Variants in TNFSF4 observed in about 807,000 individuals in gnomAD.
TNFSF4 encodes the protein tumor necrosis factor ligand superfamily member 4.
TNFSF4 carries 4 observed loss-of-function variants against 7.3 expected under a neutral mutation model. The observed-to-expected ratio is 0.55, with a 90% confidence interval of 0.27 to 1.25. The LOEUF (loss-of-function observed/expected upper bound fraction) is 1.25, where lower values mean the gene tolerates loss of function less well. Among genes scored for constraint, TNFSF4 ranks in the 50% most tolerant of loss-of-function variants. TNFSF4 has a pLI of 0.12. For missense variants in TNFSF4, 181 were observed against 208.8 expected (o/e 0.87, Z 0.82); for synonymous variants, 76 against 83.7 (o/e 0.91, Z 0.50).
the TNFSF4 span, among the ~76,000 whole-genome samples, chr1:173,233,005 A>C: frequency 3.3e-5 from 5 of 152,228 alleles, no homozygotes; most frequent in African/African-American, 4.8e-5. Context: ...TTGAGAGAAG[A>C]AGGCTTCAGA....
the TNFSF4 span, among the ~76,000 whole-genome samples, chr1:173,381,413 A>G: frequency 1.3e-5 from 2 of 152,226 alleles, no homozygotes; most frequent in African/African-American, 4.8e-5. Flanking sequence ...GGAGTTGGGC[A>G]ACATGGCTTC....
chr1:173,189,674 T>C (rs892417411), intron 1 of TNFSF4, among the ~76,000 whole-genome samples: 1 of 152,130 alleles, frequency 6.6e-6, no homozygotes, highest in Non-Finnish European at 1.5e-5. Flanking sequence ...TGCAGAATTA[T>C]ACATAAAATA....
chr1:173,263,178 G>A, the TNFSF4 span, among the ~76,000 whole-genome samples: 5 of 152,202 alleles, frequency 3.3e-5, no homozygotes, highest in African/African-American at 1.2e-4. Context: ...TGAATAGGAA[G>A]AATCAATATG....
At chr1:173,197,478 A>T (rs1262177592) in intron 1 of TNFSF4, among the ~76,000 whole-genome samples, 1 of 152,256 alleles carries the variant, frequency 6.6e-6, no homozygotes, top group Non-Finnish European at 1.5e-5. Flanking sequence ...AATGTGGTAC[A>T]TATACACCAT....
At chr1:173,277,258 T>A in the TNFSF4 span, among the ~76,000 whole-genome samples, 1 of 152,152 alleles carries the variant, frequency 6.6e-6, no homozygotes, top group African/African-American at 2.4e-5. Flanking sequence ...AGGTAACTAT[T>A]CAGGATCTGT....
the TNFSF4 span, among the ~76,000 whole-genome samples, chr1:173,341,428 G>GTA: frequency 6.6e-6 from 1 of 152,156 alleles, no homozygotes; most frequent in East Asian, 1.9e-4. Context: ...TTTAACAACT[G>GTA]TATATAGCAC....
chr1:173,332,019 A>G, the TNFSF4 span, among the ~76,000 whole-genome samples: 1 of 152,180 alleles, frequency 6.6e-6, no homozygotes, highest in East Asian at 1.9e-4. Flanking sequence ...TACAATGTAC[A>G]GGACAGCTTC....
chr1:173,195,161 A>C (rs572323052), intron 1 of TNFSF4, among the ~76,000 whole-genome samples: 1 of 152,024 alleles, frequency 6.6e-6, no homozygotes, highest in South Asian at 2.1e-4. Flanking sequence ...AAATAACACC[A>C]AAAAAAAGCA....
the TNFSF4 span, among the ~76,000 whole-genome samples, chr1:173,375,039 C>T: frequency 6.6e-5 from 10 of 152,294 alleles, no homozygotes; most frequent in Non-Finnish European, 1.2e-4. Flanking sequence ...AGGCCTAGAC[C>T]TCCTCACTTT....
the TNFSF4 span, among the ~76,000 whole-genome samples, chr1:173,265,713 A>G: frequency 3.3e-5 from 5 of 152,146 alleles, no homozygotes; most frequent in African/African-American, 4.8e-5. Context: ...ATCCAACCAC[A>G]TGACTCCCTT....
the TNFSF4 span, among the ~76,000 whole-genome samples, chr1:173,413,722 C>T: frequency 6.6e-6 from 1 of 152,172 alleles, no homozygotes; most frequent in Non-Finnish European, 1.5e-5. Flanking sequence ...CTGGCAGGCC[C>T]CACATCTGAT....
At chr1:173,408,200 C>G in the TNFSF4 span, among the ~76,000 whole-genome samples, 3 of 152,154 alleles carry the variant, frequency 2.0e-5, no homozygotes, top group African/African-American at 7.2e-5. Context: ...GAGCCAGGCC[C>G]CTCAGGAGAA....
downstream of TNFSF4, among the ~76,000 whole-genome samples, chr1:173,182,574 T>C (rs537465913): frequency 6.6e-6 from 1 of 152,208 alleles, no homozygotes; most frequent in Non-Finnish European, 1.5e-5. Context: ...CCTCAAAGAA[T>C]TGTTGAGACA....
chr1:173,404,182 A>G, the TNFSF4 span, among the ~76,000 whole-genome samples: 1 of 152,192 alleles, frequency 6.6e-6, no homozygotes, highest in South Asian at 2.1e-4. Context: ...TTTGCCTTGC[A>G]TGCAGTGACA....
At chr1:173,444,287 C>T in the TNFSF4 span, among the ~76,000 whole-genome samples, 656 of 152,272 alleles carry the variant, frequency 4.3e-3, 6 homozygotes, top group African/African-American at 0.015. Flanking sequence ...CACAAACACA[C>T]ACACACGTAT....
chr1:173,450,214 A>T, the TNFSF4 span, among the ~76,000 whole-genome samples: 1 of 152,164 alleles, frequency 6.6e-6, no homozygotes, highest in Non-Finnish European at 1.5e-5. Flanking sequence ...AAATTCATTC[A>T]GGAAGAAAAA....
the TNFSF4 span, among the ~76,000 whole-genome samples, chr1:173,422,995 G>A: frequency 3.4e-4 from 52 of 150,882 alleles, no homozygotes; most frequent in Middle Eastern, 3.4e-3. Flanking sequence ...TTTAGACAGA[G>A]TCTCGCTCTG....
At position 173,186,297 on chromosome 1, in the gene TNFSF4, A is replaced by ATTTCTAAATATCCTTAT; in HGVS notation, c.*218_*219insATAAGGATATTTAGAAA. The ATTTCTAAATATCCTTAT allele has an allele frequency of 2.1e-6, 1 of 473,612 alleles. No homozygotes were observed. The highest frequency in any genetic ancestry group is 3.7e-6 in the Non-Finnish European group (1 of 269,416). 29.3% of individuals were successfully genotyped at this position (473,612 alleles called of 1,614,324 possible). On this transcript the variant is annotated 3_prime_UTR_variant, in exon 3 of 3. Coordinates refer to ENST00000281834, the MANE Select transcript of TNFSF4 (RefSeq NM_003326.5). ...CAATCTTGGGGTGTGACGGCTAGGC[A>ATTTCTAAATATCCTTAT]ATTTAGAAAATATAAGGATAAATAA...
the TNFSF4 span, among the ~76,000 whole-genome samples, chr1:173,283,221 C>G: frequency 9.2e-5 from 14 of 152,176 alleles, no homozygotes; most frequent in East Asian, 2.7e-3. Context: ...CTGGATAAAA[C>G]AGGCCTTTGA....
Sources: gnomAD v4.1 joint callset for allele counts (sites outside exome capture counted in the v4.1 genomes callset) on GRCh38, gnomAD v4.1.1 for gene constraint, MANE v1.5 for transcripts, NCBI Gene and HGNC (gene_info 2026-07-23, HGNC 2026-07-21) for gene names.